Variants in ITSN1 observed in about 807,000 individuals in gnomAD.
ITSN1 encodes intersectin-1.
A neutral mutation model predicts 239.8 loss-of-function variants in ITSN1; 58 were observed. The observed-to-expected ratio is 0.24, with a 90% confidence interval of 0.20 to 0.30. The LOEUF (loss-of-function observed/expected upper bound fraction) is 0.30, where lower values mean the gene tolerates loss of function less well. Among genes scored for constraint, ITSN1 ranks in the 10% least tolerant of loss-of-function variants. The pLI, the probability that ITSN1 is intolerant of heterozygous loss-of-function variation, is 1.00. For synonymous variants in ITSN1, 780 were observed against 770.8 expected, an observed-to-expected ratio of 1.01 and a Z score of -0.20; for missense variants, 1,558 against 2,103.3, an observed-to-expected ratio of 0.74 and a Z score of 5.07.
chr21:33,771,560 A>G (rs532873612), intron 11 of ITSN1, among the ~76,000 whole-genome samples: 1 of 152,366 alleles, frequency 6.6e-6, no homozygotes, highest in South Asian at 2.1e-4. Context: ...ATGGGTTAGA[A>G]AAAATTGTTG....
chr21:33,663,502 A>C (rs1461062962), intron 1 of ITSN1, among the ~76,000 whole-genome samples: 1 of 152,262 alleles, frequency 6.6e-6, no homozygotes, highest in Non-Finnish European at 1.5e-5. Context: ...ATTGTTTTGC[A>C]GGTTCAAAAT....
At chr21:33,730,966 G>T (rs937494935) in intron 4 of ITSN1, among the ~76,000 whole-genome samples, 11 of 152,150 alleles carry the variant, frequency 7.2e-5, no homozygotes, top group African/African-American at 2.7e-4. Flanking sequence ...AAAGTGCTGG[G>T]ATTAGAGGCA....
chr21:33,754,729 A>G (rs1433256625), intron 7 of ITSN1, among the ~76,000 whole-genome samples: 1 of 152,170 alleles, frequency 6.6e-6, no homozygotes, highest in Non-Finnish European at 1.5e-5. Context: ...CACTCTGCTT[A>G]TGTGTGACCA....
chr21:33,879,094 T>A (rs1408939382), intron 34 of ITSN1, among the ~76,000 whole-genome samples: 1 of 152,122 alleles, frequency 6.6e-6, no homozygotes, highest in East Asian at 1.9e-4. Flanking sequence ...AGGCCTGTAA[T>A]CCCAGCACTT....
intron 26 of ITSN1, among the ~76,000 whole-genome samples, chr21:33,827,364 C>G (rs1314760799): frequency 6.6e-6 from 1 of 152,114 alleles, no homozygotes; most frequent in Non-Finnish European, 1.5e-5. Flanking sequence ...TGCTCCACTT[C>G]ACTCCAGCCT....
At chr21:33,863,408 C>A (rs1358426831) in intron 31 of ITSN1, among the ~76,000 whole-genome samples, 1 of 152,252 alleles carries the variant, frequency 6.6e-6, no homozygotes, top group Non-Finnish European at 1.5e-5. Context: ...ATAATCCCAG[C>A]ACTTTGGGAG....
chr21:33,733,190 A>G (rs915891134), intron 4 of ITSN1, among the ~76,000 whole-genome samples: 1 of 152,226 alleles, frequency 6.6e-6, no homozygotes, highest in Non-Finnish European at 1.5e-5. Context: ...TCATTGTAAT[A>G]TTGACCTGGA....
At chr21:33,885,583 C>T (rs956697125) in intron 38 of ITSN1, 61 bp downstream of exon 38, 4 of 1,252,206 alleles carry the variant, frequency 3.2e-6, no homozygotes, top group African/African-American at 1.5e-5. Flanking sequence ...CCGGGTTCCC[C>T]ACACCCCCAC....
At chr21:33,849,590 A>G (rs1268045278) in intron 29 of ITSN1, among the ~76,000 whole-genome samples, 2 of 151,452 alleles carry the variant, frequency 1.3e-5, no homozygotes, top group African/African-American at 2.4e-5. Context: ...AAAAAGACCT[A>G]GTATTTGATA....
chr21:33,768,627 C>G (rs2068890717), intron 11 of ITSN1, among the ~76,000 whole-genome samples: 1 of 152,124 alleles, frequency 6.6e-6, no homozygotes, highest in Non-Finnish European at 1.5e-5. Flanking sequence ...ATCCATCATA[C>G]TATTAAAATA....
intron 14 of ITSN1, among the ~76,000 whole-genome samples, chr21:33,779,047 T>A (rs979461957): frequency 6.6e-6 from 1 of 152,010 alleles, no homozygotes; most frequent in African/African-American, 2.4e-5. Flanking sequence ...TCCTCCTTCT[T>A]CTTTTCTTGA....
At chr21:33,886,115 G>A (rs772402896) in intron 38 of ITSN1, among the ~76,000 whole-genome samples, 172 bp from the exon 39 acceptor site, 3 of 151,878 alleles carry the variant, frequency 2.0e-5, no homozygotes, top group Admixed American at 6.6e-5. Context: ...AGGAGACTGA[G>A]GCAGGAGAAT....
chr21:33,786,191 G>A (rs2070661235), intron 16 of ITSN1, among the ~76,000 whole-genome samples: 1 of 152,152 alleles, frequency 6.6e-6, no homozygotes, highest in African/African-American at 2.4e-5. Flanking sequence ...TGTGATTATT[G>A]CTAGCATGAA....
In ITSN1 at chr21:33,896,909, T is replaced by A. The variant is rs1300510385; in HGVS notation, c.*8609T>A. 1.3e-5 allele frequency: 2 copies of A among 152,260 alleles called. No individual in the cohort carries two copies. Among genetic ancestry groups the A allele is most frequent in the African/African-American group, 2.4e-5 (1 of 41,472 alleles). 9.4% of individuals were successfully genotyped at this position (152,260 alleles called of 1,614,324 possible). On this transcript the variant is annotated 3_prime_UTR_variant, in exon 40 of 40. Transcript: ENST00000381318. ...AATGTTGACAGAAATTGCAAACTCA[T>A]CTCACCTGGATTTGATTGAGTCACC...
At chr21:33,732,305 C>G (rs1397384618) in intron 4 of ITSN1, among the ~76,000 whole-genome samples, 2 of 152,084 alleles carry the variant, frequency 1.3e-5, no homozygotes, top group African/African-American at 2.4e-5. Context: ...GGCCTGAATT[C>G]CAAAAGGGAG....
intron 5 of ITSN1, among the ~76,000 whole-genome samples, chr21:33,747,563 C>T (rs1277799802): frequency 6.6e-6 from 1 of 152,142 alleles, no homozygotes; most frequent in Non-Finnish European, 1.5e-5. Context: ...AAGCCAAACA[C>T]AGAGATAAAA....
intron 1 of ITSN1, among the ~76,000 whole-genome samples, chr21:33,711,464 A>G (rs556119633): frequency 6.6e-6 from 1 of 151,502 alleles, no homozygotes; most frequent in East Asian, 1.9e-4. Flanking sequence ...TATTGTTTAG[A>G]TTACTAACAT....
At chr21:33,845,904 C>A (rs1390799399) in intron 29 of ITSN1, among the ~76,000 whole-genome samples, 1 of 152,204 alleles carries the variant, frequency 6.6e-6, no homozygotes, top group Non-Finnish European at 1.5e-5. Flanking sequence ...AGAGTCAGAA[C>A]CCACATCTGG....
intron 26 of ITSN1, chr21:33,828,906 C>G (rs2074126647): frequency 4.3e-6 from 2 of 469,612 alleles, no homozygotes; most frequent in Non-Finnish European, 4.4e-6. Flanking sequence ...AAGTACAGAA[C>G]TGTTCACATT....
Sources: allele counts gnomAD v4.1 joint callset (sites outside exome capture counted in the v4.1 genomes callset), GRCh38; gene constraint gnomAD v4.1.1; transcripts MANE v1.5; gene names NCBI Gene and HGNC (gene_info 2026-07-23, HGNC 2026-07-21).